Variants in DYRK1A observed in about 807,000 individuals in gnomAD.
DYRK1A encodes dual specificity tyrosine-phosphorylation-regulated kinase 1A.
A neutral mutation model predicts 79.7 loss-of-function variants in DYRK1A; 9 were observed. That is an observed-to-expected ratio of 0.11 (90% CI 0.07 to 0.20). The LOEUF (loss-of-function observed/expected upper bound fraction) is 0.20. Ranked by LOEUF, DYRK1A falls within the 10% of genes least tolerant of loss-of-function variation. The pLI is 1.00. For missense variants in DYRK1A, 622 were observed against 956.0 expected (o/e 0.65, Z 4.61); for synonymous variants, 349 against 329.7 (o/e 1.06, Z -0.63).
intron 2 of DYRK1A, among the ~76,000 whole-genome samples, chr21:37,470,240 A>T (rs1043693079): frequency 1.3e-5 from 2 of 152,052 alleles, no homozygotes; most frequent in African/African-American, 4.8e-5. Flanking sequence ...AGGGTCATAG[A>T]GTGGTGTGGT....
intron 2 of DYRK1A, among the ~76,000 whole-genome samples, chr21:37,464,975 G>A (rs1169338603): frequency 1.3e-5 from 2 of 152,158 alleles, no homozygotes; most frequent in Non-Finnish European, 2.9e-5. Context: ...ATGAATGAAT[G>A]GATAACTTAA....
intron 8 of DYRK1A, among the ~76,000 whole-genome samples, chr21:37,494,637 A>G (rs1157901625): frequency 6.6e-6 from 1 of 152,078 alleles, no homozygotes; most frequent in Non-Finnish European, 1.5e-5. Flanking sequence ...CCAGCATCTG[A>G]CATCATGTAT....
intron 4 of DYRK1A, among the ~76,000 whole-genome samples, chr21:37,479,705 G>A (rs867436439): frequency 1.5e-5 from 2 of 134,972 alleles, no homozygotes; most frequent in African/African-American, 2.7e-5. Flanking sequence ...TCGGCTCACC[G>A]CAACCTCCGC....
At chr21:37,495,893 A>C (rs760110578) in intron 8 of DYRK1A, among the ~76,000 whole-genome samples, 1 of 152,178 alleles carries the variant, frequency 6.6e-6, no homozygotes, top group Non-Finnish European at 1.5e-5. Flanking sequence ...ATCCATGGCT[A>C]CCTGACATAA....
At chr21:37,511,182 G>A (rs1446808686) in intron 11 of DYRK1A, among the ~76,000 whole-genome samples, 1 of 152,194 alleles carries the variant, frequency 6.6e-6, no homozygotes, top group Admixed American at 6.5e-5. Flanking sequence ...GGAGAAAGAG[G>A]TTAGAGAAGT....
intron 1 of DYRK1A, among the ~76,000 whole-genome samples, chr21:37,371,123 C>T (rs1033410818): frequency 6.6e-6 from 1 of 152,190 alleles, no homozygotes; most frequent in African/African-American, 2.4e-5. Flanking sequence ...AATTTCTCCT[C>T]AGTTGCTCCC....
chr21:37,380,172 T>C (rs2049627694), intron 1 of DYRK1A, among the ~76,000 whole-genome samples: 1 of 152,246 alleles, frequency 6.6e-6, no homozygotes, highest in African/African-American at 2.4e-5. Context: ...AATAGGACTC[T>C]AGCCCTTAAG....
chr21:37,385,932 A>T (rs1411708475), intron 1 of DYRK1A, among the ~76,000 whole-genome samples: 1 of 152,186 alleles, frequency 6.6e-6, no homozygotes, highest in Non-Finnish European at 1.5e-5. Context: ...TTGACAGCTC[A>T]CATTAGCATA....
At chr21:37,470,353 C>T (rs2052179997) in intron 2 of DYRK1A, among the ~76,000 whole-genome samples, 1 of 152,088 alleles carries the variant, frequency 6.6e-6, no homozygotes, top group South Asian at 2.1e-4. Context: ...CTCTTTTCTA[C>T]AATATTGCAT....
At chr21:37,381,531 A>ATC (rs2049658408) in intron 1 of DYRK1A, among the ~76,000 whole-genome samples, 1 of 152,284 alleles carries the variant, frequency 6.6e-6, no homozygotes, top group Admixed American at 6.5e-5. Context: ...ATCAGCCTGG[A>ATC]TCAGGATATT....
At chr21:37,442,669 C>G (rs2051144247) in intron 2 of DYRK1A, among the ~76,000 whole-genome samples, 1 of 152,052 alleles carries the variant, frequency 6.6e-6, no homozygotes, top group Admixed American at 6.5e-5. Context: ...GAATTCCTGG[C>G]CTCAAGTGAT....
At chr21:37,417,318 G>A (rs1249004991) in intron 1 of DYRK1A, among the ~76,000 whole-genome samples, 2 of 152,000 alleles carry the variant, frequency 1.3e-5, no homozygotes, top group Non-Finnish European at 2.9e-5. Flanking sequence ...AGCCTCCTGA[G>A]TAGCTGGGAT....
rs2049314754 is a variant in DYRK1A at position 37,366,801 on chromosome 21, G to A, written c.-904G>A. On this transcript the variant is annotated 5_prime_UTR_variant, in exon 1 of 12. Transcript: ENST00000647188. The stretch of plus-strand genomic sequence containing the variant: ...CGGGTCGGTCCGTCGCCATTTTGTT[G>A]GTTGGTTTTTTTTTAAACCCTTTCG... 1 of 152,204 alleles carries A rather than the reference G, an allele frequency of 6.6e-6. No individual in the cohort carries two copies. Among genetic ancestry groups the A allele is most frequent in the South Asian group, 2.1e-4 (1 of 4,862 alleles). The allele number at this position is 152,204 out of a possible 1,614,324, so 9.4% of individuals were successfully genotyped here.
At position 37,520,565 on chromosome 21, in the gene DYRK1A, C is replaced by G. The variant is rs1338306993; in HGVS notation, c.*8034C>G. ...GACAAAAATGTCTTAGGATAAAAGT[C>G]TGTTTGTTTGCATTAGACTATACAT... On this transcript the variant is annotated 3_prime_UTR_variant, in exon 12 of 12. Coordinates refer to ENST00000647188, the MANE Select transcript of DYRK1A (RefSeq NM_001347721.2). 1.3e-5 allele frequency: 2 copies of G among 152,116 alleles called. No homozygotes were observed. Among genetic ancestry groups the G allele is most frequent in the African/African-American group, 4.8e-5 (2 of 41,414 alleles). The allele number at this position is 152,116 out of a possible 1,614,324, so 9.4% of individuals were successfully genotyped here.
intron 9 of DYRK1A, among the ~76,000 whole-genome samples, chr21:37,500,813 T>C (rs925259713): frequency 6.6e-6 from 1 of 152,022 alleles, no homozygotes; most frequent in African/African-American, 2.4e-5. Context: ...ATAGTCTCTC[T>C]TTTATTCCTG....
rs2053868223 is a variant in DYRK1A, at chr21:37,515,390, T to C, written c.*2859T>C. ...AGGTTTAACAGATCATTTTGATTTTTCACATTGATTTTTTTATTTGAATGT... is the reference window on the plus strand; with the variant it reads ...AGGTTTAACAGATCATTTTGATTTTCCACATTGATTTTTTTATTTGAATGT... On this transcript the variant is annotated 3_prime_UTR_variant, in exon 12 of 12. Transcript: ENST00000647188. 6.5e-6 allele frequency: 1 copy of C among 152,710 alleles called. No homozygotes were observed. Among genetic ancestry groups the C allele is most frequent in the East Asian group, 1.9e-4 (1 of 5,186 alleles). 9.5% of individuals were successfully genotyped at this position (152,710 alleles called of 1,614,324 possible). A position where few individuals can be genotyped will look rare whatever the true frequency, so the allele number is the denominator to read the frequency against.
intron 1 of DYRK1A, among the ~76,000 whole-genome samples, chr21:37,374,565 T>G (rs1306385415): frequency 6.6e-6 from 1 of 151,826 alleles, no homozygotes; most frequent in African/African-American, 2.4e-5. Context: ...TGCTTTCTTT[T>G]TTTTTGAGAC....
At chr21:37,481,850 A>T (rs2052653097) in intron 5 of DYRK1A, among the ~76,000 whole-genome samples, 1 of 128,836 alleles carries the variant, frequency 7.8e-6, no homozygotes, top group African/African-American at 4.5e-5. Flanking sequence ...TATTCATTTA[A>T]AAAAAAAAAA....
At chr21:37,462,283 C>T (rs576893789) in intron 2 of DYRK1A, among the ~76,000 whole-genome samples, 69 of 152,116 alleles carry the variant, frequency 4.5e-4, no homozygotes, top group Non-Finnish European at 8.7e-4. Context: ...TTGTTGTTCT[C>T]TTTAAAGAGT....
Sources: gnomAD v4.1 joint callset for allele counts (sites outside exome capture counted in the v4.1 genomes callset) on GRCh38, gnomAD v4.1.1 for gene constraint, MANE v1.5 for transcripts, NCBI Gene and HGNC (gene_info 2026-07-23, HGNC 2026-07-21) for gene names.